Variants in CPQ observed in about 807,000 individuals in gnomAD.
The protein encoded by CPQ is Ser-Met dipeptidase.
A neutral mutation model predicts 45.7 loss-of-function variants in CPQ; 37 were observed. The observed-to-expected ratio is 0.81, with a 90% confidence interval of 0.62 to 1.07. The LOEUF is 1.07. Among genes scored for constraint, CPQ ranks in the 50% least tolerant of loss-of-function variants. The pLI is 0.00. For missense variants in CPQ, 537 were observed against 572.9 expected (o/e 0.94, Z 0.64); for synonymous variants, 186 against 205.8 (o/e 0.90, Z 0.82).
At chr8:97,102,744 C>A (rs983255894) in intron 7 of CPQ, among the ~76,000 whole-genome samples, 3 of 152,162 alleles carry the variant, frequency 2.0e-5, no homozygotes, top group Admixed American at 2.0e-4. Context: ...TTTGCATGGG[C>A]TGAAAAAATC....
In CPQ at chr8:97,051,503, A is replaced by G. The variant is rs190962398; in HGVS notation, c.1054-14506A>G. On this transcript the variant is annotated intron_variant, in intron 6 of 7. Transcript: ENST00000220763. ...AAAAGATCTATGATTTCTACCAGCAACAAAGTGACAGGTTTTGCTAATACT... is the reference window on the plus strand; with the variant it reads ...AAAAGATCTATGATTTCTACCAGCAGCAAAGTGACAGGTTTTGCTAATACT... 3.9e-5 allele frequency among the ~76,000 whole-genome samples: 6 copies of G among 152,350 alleles called. No individual in the cohort carries two copies. In the East Asian group the frequency reaches 1.2e-3, roughly 29 times the overall value.
chr8:96,870,573 G>C (rs1812054166), intron 3 of CPQ, among the ~76,000 whole-genome samples: 1 of 151,982 alleles, frequency 6.6e-6, no homozygotes, highest in Non-Finnish European at 1.5e-5. Flanking sequence ...GTCTTTGTCA[G>C]CTTCTAGCTG....
intron 4 of CPQ, among the ~76,000 whole-genome samples, chr8:96,890,976 C>T (rs138511469): frequency 1.4e-4 from 22 of 152,286 alleles, no homozygotes; most frequent in African/African-American, 2.2e-4. Flanking sequence ...GAACTTCACT[C>T]GAGCCCTGCA....
intron 1 of CPQ, among the ~76,000 whole-genome samples, chr8:96,708,629 AT>A (rs1202410259): frequency 1.3e-5 from 2 of 151,934 alleles, no homozygotes; most frequent in Non-Finnish European, 1.5e-5. Context: ...TAGTTTATTA[AT>A]TTTCTGTCAT....
intron 2 of CPQ, among the ~76,000 whole-genome samples, chr8:96,788,074 C>A (rs569340736): frequency 1.7e-5 from 2 of 117,132 alleles, no homozygotes; most frequent in South Asian, 5.0e-4. Flanking sequence ...TTTTTCTTTT[C>A]TTTCTTTCTT....
intron 1 of CPQ, among the ~76,000 whole-genome samples, chr8:96,745,618 A>G (rs1810169493): frequency 6.6e-6 from 1 of 152,208 alleles, no homozygotes; most frequent in Non-Finnish European, 1.5e-5. Context: ...AGAGAGATTA[A>G]AGAAGATACT....
chr8:96,678,311 T>G (rs1181443863), intron 1 of CPQ, among the ~76,000 whole-genome samples: 2 of 152,154 alleles, frequency 1.3e-5, no homozygotes, highest in Non-Finnish European at 2.9e-5. Context: ...GAGCATGGGA[T>G]GTGTTTTTAT....
chr8:96,856,311 T>A (rs1196846626), intron 3 of CPQ, among the ~76,000 whole-genome samples: 1 of 152,182 alleles, frequency 6.6e-6, no homozygotes, highest in Non-Finnish European at 1.5e-5. Flanking sequence ...GTGGTAGCTG[T>A]GGAGACAGTG....
intron 6 of CPQ, among the ~76,000 whole-genome samples, chr8:97,044,682 T>C (rs1810201058): frequency 6.6e-6 from 1 of 152,214 alleles, no homozygotes; most frequent in Non-Finnish European, 1.5e-5. Flanking sequence ...TCCTTTCTGT[T>C]TGTTAGTTTT....
intron 1 of CPQ, among the ~76,000 whole-genome samples, chr8:96,784,407 G>GC (rs1435578738): frequency 1.3e-5 from 2 of 151,416 alleles, no homozygotes; most frequent in African/African-American, 4.9e-5. Context: ...GGTGGGGGGG[G>GC]GGTTGGTAAA....
intron 4 of CPQ, among the ~76,000 whole-genome samples, chr8:96,942,780 G>A (rs1177877880): frequency 6.6e-6 from 1 of 152,196 alleles, no homozygotes; most frequent in Non-Finnish European, 1.5e-5. Context: ...CGGGACCCAG[G>A]AGTCTGCACT....
At chr8:96,773,094 A>T (rs1340830089) in intron 1 of CPQ, among the ~76,000 whole-genome samples, 1 of 152,146 alleles carries the variant, frequency 6.6e-6, no homozygotes, top group Non-Finnish European at 1.5e-5. Context: ...TTCTGGATAG[A>T]CTAGTTTAAA....
chr8:96,740,006 T>A (rs1387642151), intron 1 of CPQ, among the ~76,000 whole-genome samples: 2 of 152,128 alleles, frequency 1.3e-5, no homozygotes, highest in African/African-American at 4.8e-5. Context: ...AAGAAAGTCA[T>A]TGGTAGCTTC....
At position 97,081,052 on chromosome 8, in the gene CPQ, T is replaced by C. The variant is rs147710965; in HGVS notation, c.1255+14842T>C. ...GCGTGGACTTCACCAATACTCATTT[T>C]TGGAAGTTTAAACCTAAGAGAAAAA... On this transcript the variant is annotated intron_variant, in intron 7 of 7. Transcript: ENST00000220763. Among the ~76,000 whole-genome samples, 634 of 152,306 alleles carry C rather than the reference T, an allele frequency of 4.2e-3. 7 individuals are homozygous for C. The highest frequency in any genetic ancestry group is 0.014 in the African/African-American group (600 of 41,576).
chr8:96,698,298 C>G (rs1360139805), intron 1 of CPQ, among the ~76,000 whole-genome samples: 1 of 151,952 alleles, frequency 6.6e-6, no homozygotes, highest in Non-Finnish European at 1.5e-5. Flanking sequence ...TGTCCATATG[C>G]AAAAGAATGA....
intron 1 of CPQ, among the ~76,000 whole-genome samples, chr8:96,686,561 T>C (rs1345814469): frequency 6.6e-6 from 1 of 152,030 alleles, no homozygotes; most frequent in African/African-American, 2.4e-5. Context: ...TTAGTAATGG[T>C]ATATTATACT....
At chr8:96,675,148 C>T (rs761298990) in intron 1 of CPQ, among the ~76,000 whole-genome samples, 7 of 152,022 alleles carry the variant, frequency 4.6e-5, no homozygotes, top group Non-Finnish European at 1.0e-4. Context: ...TGGAACACAA[C>T]TCAAAAAGAG....
In CPQ at chr8:96,976,298, C is replaced by T. The variant is rs368937517; in HGVS notation, c.961+10252C>T. ...CCTTAGGATTATACCTAACCAAGGA[C>T]GTGAAAGACCTCTACGAGTAAAACT... On this transcript the variant is annotated intron_variant, in intron 5 of 7. Coordinates refer to ENST00000220763, the MANE Select transcript of CPQ (RefSeq NM_016134.4). 4.4e-5 allele frequency among the ~76,000 whole-genome samples: 6 copies of T among 135,130 alleles called. No homozygotes were observed. The East Asian group carries it at 6.3e-4, about 14-fold the overall frequency. The allele number at this position is 135,130 out of a possible 152,430, so 88.7% of individuals were successfully genotyped here.
rs138796321 is a variant in CPQ, at chr8:96,842,275, A to C, written c.641+7095A>C. ...TTGATGTCCTGGTGGTTTGGTTCTT[A>C]AGCATGACCTTAAGATAATTAGCTA... On this transcript the variant is annotated intron_variant, in intron 3 of 7. Coordinates refer to ENST00000220763, the MANE Select transcript of CPQ (RefSeq NM_016134.4). Among the ~76,000 whole-genome samples the C allele has an allele frequency of 1.5e-3, 236 of 152,292 alleles. 1 individual carries two copies. Among genetic ancestry groups the C allele is most frequent in the African/African-American group, 5.4e-3 (225 of 41,570 alleles).
Sources: gnomAD v4.1 joint callset for allele counts (sites outside exome capture counted in the v4.1 genomes callset) on GRCh38, gnomAD v4.1.1 for gene constraint, MANE v1.5 for transcripts, NCBI Gene and HGNC (gene_info 2026-07-23, HGNC 2026-07-21) for gene names.